IGF1: variants seen among roughly 807,000 people sequenced by gnomAD.
The protein encoded by IGF1 is insulin like growth factor 1, also known as insulin-like growth factor 1.
IGF1 carries 4 observed loss-of-function variants against 13.8 expected under a neutral mutation model. The observed-to-expected ratio is 0.29, with a 90% CI of 0.14 to 0.66. IGF1 has a LOEUF of 0.66. Among genes scored for constraint, IGF1 ranks in the 30% least tolerant of loss-of-function variants. IGF1 has a pLI of 0.78. For synonymous variants in IGF1, 76 were observed against 72.6 expected (o/e 1.05, Z -0.23); for missense variants, 124 against 188.5 (o/e 0.66, Z 2.00).
chr12:102,474,027 A>G (rs554015606), intron 2 of IGF1, among the ~76,000 whole-genome samples: 1 of 152,322 alleles, frequency 6.6e-6, no homozygotes, highest in South Asian at 2.1e-4. Context: ...ATCAAAGGAA[A>G]TTGCACAAAT....
intron 3 of IGF1, among the ~76,000 whole-genome samples, chr12:102,405,071 G>T (rs1874026735): frequency 7.4e-6 from 1 of 136,040 alleles, no homozygotes; most frequent in African/African-American, 2.6e-5. Context: ...CTTCCATTGG[G>T]TTCTGCTTTC....
At chr12:102,440,399 TG>T (rs1294456150) in intron 2 of IGF1, among the ~76,000 whole-genome samples, 4 of 152,200 alleles carry the variant, frequency 2.6e-5, no homozygotes. Context: ...AATCATGGAA[TG>T]TCAGAGCTGC....
rs1440155844 is a variant in IGF1, at chr12:102,419,693, G to A, written c.221-3C>T. 3 of 1,611,192 alleles carry A rather than the reference G, an allele frequency of 1.9e-6. No individual in the cohort carries two copies. Among genetic ancestry groups the A allele is most frequent in the African/African-American group, 2.7e-5 (2 of 74,936 alleles). On this transcript the variant is annotated splice_polypyrimidine_tract_variant and splice_region_variant and intron_variant, in intron 2 of 3. Coordinates refer to ENST00000337514, the MANE Select transcript of IGF1 (RefSeq NM_000618.5). ...GGAGCCATACCCTGTGGGCTTGTCT[G>A]CACAAATCAAACAGAGTGGCCTCAT...
intron 3 of IGF1, among the ~76,000 whole-genome samples, chr12:102,418,202 A>G (rs1240926051): frequency 1.3e-5 from 2 of 152,210 alleles, no homozygotes; most frequent in Non-Finnish European, 2.9e-5. Context: ...CCCCAGTTAG[A>G]AACCAAGAGG....
intron 2 of IGF1, among the ~76,000 whole-genome samples, chr12:102,461,054 A>C (rs1879858062): frequency 6.6e-6 from 1 of 152,214 alleles, no homozygotes; most frequent in Admixed American, 6.5e-5. Context: ...GGGGATTAAT[A>C]ATCAAATCTA....
intron 2 of IGF1, among the ~76,000 whole-genome samples, chr12:102,441,139 A>G (rs139986043): frequency 1.5e-4 from 23 of 152,282 alleles, no homozygotes; most frequent in African/African-American, 5.1e-4. Flanking sequence ...TATTTTCTAA[A>G]AGCTCTATTA....
chr12:102,464,470 T>C (rs1425289575), intron 2 of IGF1, among the ~76,000 whole-genome samples: 2 of 148,388 alleles, frequency 1.3e-5, no homozygotes, highest in Non-Finnish European at 3.0e-5. Context: ...TACTAGATGC[T>C]GTGAAAAACA....
chr12:102,470,848 G>T (rs940805053), intron 2 of IGF1, among the ~76,000 whole-genome samples: 2 of 152,212 alleles, frequency 1.3e-5, no homozygotes, highest in Non-Finnish European at 2.9e-5. Flanking sequence ...TGAAGGTTTA[G>T]AAACCTGTAG....
chr12:102,474,664 T>C (rs964576778), intron 2 of IGF1, among the ~76,000 whole-genome samples: 1 of 152,194 alleles, frequency 6.6e-6, no homozygotes, highest in African/African-American at 2.4e-5. Context: ...ACTGGAGTGA[T>C]ATGAACCTTT....
intron 2 of IGF1, among the ~76,000 whole-genome samples, chr12:102,461,537 G>A (rs1566000015): frequency 2.0e-5 from 3 of 152,098 alleles, no homozygotes; most frequent in Non-Finnish European, 4.4e-5. Context: ...ACACACATTC[G>A]TCCACTTAAT....
intron 3 of IGF1, among the ~76,000 whole-genome samples, chr12:102,409,984 G>A (rs1389839496): frequency 6.6e-6 from 1 of 152,184 alleles, no homozygotes; most frequent in African/African-American, 2.4e-5. Flanking sequence ...GGTTTCCGGA[G>A]CTCCGTTGAG....
At chr12:102,421,247 A>T (rs1280918142) in intron 2 of IGF1, among the ~76,000 whole-genome samples, 1 of 152,088 alleles carries the variant, frequency 6.6e-6, no homozygotes, top group East Asian at 1.9e-4. Flanking sequence ...TGCTGTGCAG[A>T]TCTCGAAGCA....
rs201836965 is a variant in IGF1, at chr12:102,460,631, T to TA, written c.220+15011dup. ...AGAATACTAACAAAGAAACAAACAA[T>TA]AATCTCCATATCCGTCAGATTTCTT... On this transcript the variant is annotated intron_variant, in intron 2 of 3. Transcript: ENST00000337514. 6.2e-4 allele frequency among the ~76,000 whole-genome samples: 94 copies of TA among 152,302 alleles called. 1 individual carries two copies. In the East Asian group the frequency reaches 0.017, roughly 27 times the overall value.
In IGF1 at chr12:102,477,835, GA is replaced by G. The variant is rs1157278131; in HGVS notation, c.64-2037del. 2.0e-5 allele frequency among the ~76,000 whole-genome samples: 3 copies of G among 151,940 alleles called. No individual in the cohort carries two copies. The East Asian group carries it at 5.8e-4, about 29-fold the overall frequency. Reference sequence around the variant, plus strand: ...TTCTTCAGTTTTTGTGAAATCCAGGGAAAAAAATTACTCAAGTTATAGCCTT... The same window carrying G: ...TTCTTCAGTTTTTGTGAAATCCAGGGAAAAAATTACTCAAGTTATAGCCTT... On this transcript the variant is annotated intron_variant, in intron 1 of 3. Coordinates refer to ENST00000337514, the MANE Select transcript of IGF1 (RefSeq NM_000618.5).
At chr12:102,440,104 G>A (rs546842437) in intron 2 of IGF1, among the ~76,000 whole-genome samples, 1 of 152,216 alleles carries the variant, frequency 6.6e-6, no homozygotes, top group Admixed American at 6.5e-5. Flanking sequence ...GATTCTTACG[G>A]CCGCTAAGCA....
chr12:102,453,415 A>G (rs1374285666), intron 2 of IGF1, among the ~76,000 whole-genome samples: 2 of 152,216 alleles, frequency 1.3e-5, no homozygotes, highest in Admixed American at 6.5e-5. Context: ...TCCGGTATTC[A>G]ATTATACTCA....
Position 102,440,316 on chromosome 12 carries a change from G to C in IGF1, c.221-20626C>G, listed in dbSNP as rs149277213. ...CCTGATGGGCCTCCCCAAATACTGG[G>C]ATGGGCCTGCTTCTCCATCTTGTGT... On this transcript the variant is annotated intron_variant, in intron 2 of 3. Transcript: ENST00000337514. Among the ~76,000 whole-genome samples the C allele has an allele frequency of 3.5e-3, 535 of 152,270 alleles. 3 individuals are homozygous for C. The highest frequency in any genetic ancestry group is 7.5e-3 in the Admixed American group (115 of 15,298).
At chr12:102,447,542 C>T (rs1363980182) in intron 2 of IGF1, among the ~76,000 whole-genome samples, 2 of 152,078 alleles carry the variant, frequency 1.3e-5, no homozygotes, top group Non-Finnish European at 2.9e-5. Flanking sequence ...AGGATTGCAA[C>T]CTCTTCTTGT....
chr12:102,433,207 A>G (rs886426230), intron 2 of IGF1, among the ~76,000 whole-genome samples: 1 of 152,170 alleles, frequency 6.6e-6, no homozygotes, highest in Non-Finnish European at 1.5e-5. Flanking sequence ...CTTTCACCAC[A>G]TTATTATTCT....
Sources: gnomAD v4.1 joint callset for allele counts (sites outside exome capture counted in the v4.1 genomes callset) on GRCh38, gnomAD v4.1.1 for gene constraint, MANE v1.5 for transcripts, NCBI Gene and HGNC (gene_info 2026-07-23, HGNC 2026-07-21) for gene names.